ENPP3: variants seen among roughly 807,000 people sequenced by gnomAD.
ENPP3 encodes ectonucleotide pyrophosphatase/phosphodiesterase family member 3.
Under a neutral mutation model 117.8 loss-of-function variants are expected in ENPP3, and 104 were observed. The ratio of observed to expected loss-of-function variants is 0.88; its 90% confidence interval spans 0.75 to 1.04. The LOEUF (loss-of-function observed/expected upper bound fraction) is 1.04. ENPP3 is among the 50% of genes least tolerant of loss of function. The probability of loss-of-function intolerance (pLI) is 0.00; values close to 1 mark genes in which losing one functional copy is unlikely to be tolerated. For synonymous variants in ENPP3, 380 were observed against 349.9 expected (o/e 1.09, Z -0.96); for missense variants, 1,026 against 1,051.9 (o/e 0.98, Z 0.34).
At chr6:131,661,744 A>T (rs1309062550) in intron 6 of ENPP3, among the ~76,000 whole-genome samples, 1 of 152,168 alleles carries the variant, frequency 6.6e-6, no homozygotes, top group African/African-American at 2.4e-5. Context: ...TAATGAGACT[A>T]TTGTATTTTT....
At chr6:131,718,786 C>A in intron 16 of ENPP3, 48 bp downstream of exon 16, 3 of 1,144,416 alleles carry the variant, frequency 2.6e-6, no homozygotes, top group South Asian at 1.4e-5. Flanking sequence ...TTCAGGGGTA[C>A]ATGTACAGAA....
In ENPP3 at chr6:131,709,461, G is replaced by C. The variant is rs1380826042; in HGVS notation, c.1413-9211G>C. On this transcript the variant is annotated intron_variant, in intron 15 of 24. Coordinates refer to ENST00000357639, the MANE Select transcript of ENPP3 (RefSeq NM_005021.5). ...GACCCAATGGTGAGGGACTACATGG[G>C]GAATGCTCTCTGCCAAATGCTGTAT... 1.9e-6 allele frequency: 3 copies of C among 1,604,232 alleles called. No individual in the cohort carries two copies. In the African/African-American group the frequency reaches 4.1e-5, roughly 22 times the overall value.
At chr6:131,733,204 C>A (rs1206716666) in intron 20 of ENPP3, among the ~76,000 whole-genome samples, 1 of 152,024 alleles carries the variant, frequency 6.6e-6, no homozygotes, top group Admixed American at 6.5e-5. Flanking sequence ...TAGTTTATAT[C>A]AATATTTTAA....
intron 15 of ENPP3, among the ~76,000 whole-genome samples, chr6:131,701,914 A>C (rs866697215): frequency 1.3e-5 from 2 of 151,786 alleles, no homozygotes; most frequent in African/African-American, 4.8e-5. Flanking sequence ...GAAAAAAAAA[A>C]CGCGTGCACA....
intron 19 of ENPP3, among the ~76,000 whole-genome samples, chr6:131,724,325 G>A (rs1780105830): frequency 6.6e-6 from 1 of 151,712 alleles, no homozygotes. Context: ...AAGAGGTTGT[G>A]ACTCATCTGC....
intron 6 of ENPP3, among the ~76,000 whole-genome samples, chr6:131,667,107 A>ATTTTG (rs1585638512): frequency 1.3e-5 from 2 of 151,748 alleles, no homozygotes; most frequent in East Asian, 3.9e-4. Flanking sequence ...TGGGGTCTGG[A>ATTTTG]TTTTGTTTTG....
At chr6:131,713,809 C>G (rs912541866) in intron 15 of ENPP3, among the ~76,000 whole-genome samples, 30 of 151,870 alleles carry the variant, frequency 2.0e-4, no homozygotes, top group Non-Finnish European at 3.7e-4. Context: ...TCCTGTTGCC[C>G]AGGCTGGAGT....
intron 2 of ENPP3, among the ~76,000 whole-genome samples, chr6:131,649,689 A>T (rs536223950): frequency 6.6e-6 from 1 of 152,186 alleles, no homozygotes; most frequent in South Asian, 2.1e-4. Context: ...CCAAGTAGCT[A>T]GGACCATAGG....
intron 15 of ENPP3, among the ~76,000 whole-genome samples, chr6:131,703,922 T>G (rs1344199639): frequency 6.6e-6 from 1 of 151,968 alleles, no homozygotes; most frequent in African/African-American, 2.4e-5. Flanking sequence ...ACCCAACCAC[T>G]GTTATTCTTC....
intron 12 of ENPP3, among the ~76,000 whole-genome samples, chr6:131,684,932 A>G (rs758063281): frequency 7.9e-5 from 12 of 151,974 alleles, no homozygotes; most frequent in Non-Finnish European, 1.8e-4. Flanking sequence ...CTATAGGGGC[A>G]TGCCACCATG....
At chr6:131,645,111 C>T (rs1778128623) in intron 2 of ENPP3, among the ~76,000 whole-genome samples, 1 of 152,242 alleles carries the variant, frequency 6.6e-6, no homozygotes, top group Admixed American at 6.5e-5. Context: ...GCCAACCAAC[C>T]TATGCCCTCT....
intron 5 of ENPP3, among the ~76,000 whole-genome samples, chr6:131,654,517 A>ATAGCAGCTGCTAACTCC (rs1778341994): frequency 1.3e-5 from 2 of 151,788 alleles, no homozygotes; most frequent in Non-Finnish European, 2.9e-5. Context: ...ATCATGACTC[A>ATAGCAGCTGCTAACTCC]TAGCAGCTGC....
intron 24 of ENPP3, among the ~76,000 whole-genome samples, chr6:131,743,077 G>C (rs1389461096): frequency 6.6e-6 from 1 of 152,182 alleles, no homozygotes; most frequent in Non-Finnish European, 1.5e-5. Flanking sequence ...GATTATAAAA[G>C]AGATTGCAAA....
At chr6:131,742,138 C>A (rs1243666143) in intron 24 of ENPP3, among the ~76,000 whole-genome samples, 1 of 152,102 alleles carries the variant, frequency 6.6e-6, no homozygotes, top group East Asian at 1.9e-4. Context: ...TAGTGAGCCA[C>A]TCACTATTCT....
chr6:131,747,032 G>T lies in ENPP3; in HGVS notation c.*76G>T, dbSNP rs544172519. On this transcript the variant is annotated 3_prime_UTR_variant, in exon 25 of 25. Coordinates refer to ENST00000357639, the MANE Select transcript of ENPP3 (RefSeq NM_005021.5). ...AAAATATAAGTGATTTTTTTCTGGA[G>T]AATTGTAAAATAAAGTTTTCTATTT... 3.8e-5 allele frequency: 28 copies of T among 745,474 alleles called. No individual in the cohort carries two copies. Among genetic ancestry groups the T allele is most frequent in the Non-Finnish European group, 5.2e-5 (26 of 500,514 alleles). The allele number at this position is 745,474 out of a possible 1,614,324, so 46.2% of individuals were successfully genotyped here.
intron 1 of ENPP3, among the ~76,000 whole-genome samples, chr6:131,641,029 G>A (rs1237162826): frequency 2.6e-5 from 4 of 152,160 alleles, no homozygotes; most frequent in East Asian, 3.9e-4. Flanking sequence ...AGGAAAAAAA[G>A]CCCTGCTCCC....
chr6:131,735,241 A>G (rs1482077621), intron 21 of ENPP3, among the ~76,000 whole-genome samples: 1 of 152,086 alleles, frequency 6.6e-6, no homozygotes, highest in Non-Finnish European at 1.5e-5. Context: ...AATTCCAATT[A>G]TTTGTTAAAA....
chr6:131,736,600 G>A (rs1043482188), intron 21 of ENPP3, among the ~76,000 whole-genome samples: 14 of 151,756 alleles, frequency 9.2e-5, no homozygotes, highest in Non-Finnish European at 1.9e-4. Flanking sequence ...AGATTGGGGG[G>A]GACACAGCCA....
Position 131,671,288 on chromosome 6 carries a change from T to C in ENPP3, c.603T>C (p.Tyr201=). Residue 201 remains tyrosine (Y), a synonymous_variant, in exon 7 of 25, where the codon TAT becomes TAC. Transcript: ENST00000357639. Reference sequence around the variant, plus strand: ...ATTCAAAATACATGAGAGCTATGTATCCTACCAAAACCTTCCCAAATCATT... The same window carrying C: ...ATTCAAAATACATGAGAGCTATGTACCCTACCAAAACCTTCCCAAATCATT... ...GIHSKYMRAM[Y]PTKTFPNHYT... is the part of the protein sequence containing the mutation. 1.2e-6 allele frequency: 2 copies of C among 1,608,454 alleles called. No individual in the cohort carries two copies. The highest frequency in any genetic ancestry group is 1.7e-6 in the Non-Finnish European group (2 of 1,174,830).
Sources: gnomAD v4.1 joint callset for allele counts (sites outside exome capture counted in the v4.1 genomes callset) on GRCh38, gnomAD v4.1.1 for gene constraint, MANE v1.5 for transcripts, NCBI Gene and HGNC (gene_info 2026-07-23, HGNC 2026-07-21) for gene names.